The following MYSM1 variants were observed in gnomAD, a reference collection of about 807,000 sequenced individuals.
MYSM1 encodes deubiquitinase MYSM1.
In MYSM1, 51 loss-of-function variants were observed where a neutral mutation model predicts 116.0. The observed-to-expected ratio is 0.44, with a 90% CI of 0.35 to 0.56. The LOEUF (loss-of-function observed/expected upper bound fraction) is 0.56. MYSM1 is among the 20% of genes least tolerant of loss of function. The pLI is 0.00. For missense variants in MYSM1, 900 were observed against 974.9 expected, an observed-to-expected ratio of 0.92 and a Z score of 1.02; for synonymous variants, 313 against 315.2, an observed-to-expected ratio of 0.99 and a Z score of 0.07.
intron 8 of MYSM1, among the ~76,000 whole-genome samples, chr1:58,678,445 T>G (rs1644688168): frequency 6.6e-6 from 1 of 152,198 alleles, no homozygotes; most frequent in Admixed American, 6.5e-5. Context: ...AGCACAGTGC[T>G]GAACAAATGG....
intron 10 of MYSM1, among the ~76,000 whole-genome samples, chr1:58,674,984 T>C (rs913187888): frequency 1.1e-4 from 17 of 151,598 alleles, no homozygotes; most frequent in Admixed American, 9.2e-4. Context: ...TGTTTTTTTT[T>C]CCCCTCGAGA....
intron 1 of MYSM1, among the ~76,000 whole-genome samples, chr1:58,698,104 T>TATATATATATATATATA (rs1557530217): frequency 2.6e-4 from 3 of 11,352 alleles, no homozygotes; most frequent in African/African-American, 8.7e-4. Context: ...ATATATATAT[T>TATATATATATATATATA]TTTTTTTTTT....
At chr1:58,674,430 G>T (rs1425198085) in intron 10 of MYSM1, among the ~76,000 whole-genome samples, 2 of 152,116 alleles carry the variant, frequency 1.3e-5, no homozygotes, top group African/African-American at 4.8e-5. Context: ...CCAAAGGATA[G>T]TGTATGACTA....
chr1:58,678,454 G>GCACT (rs1156309892), intron 8 of MYSM1, among the ~76,000 whole-genome samples: 1 of 152,090 alleles, frequency 6.6e-6, no homozygotes, highest in African/African-American at 2.4e-5. Context: ...CTGAACAAAT[G>GCACT]GTAAGGACTC....
chr1:58,686,066 C>T (rs1316471348), intron 6 of MYSM1, among the ~76,000 whole-genome samples: 1 of 152,168 alleles, frequency 6.6e-6, no homozygotes, highest in Non-Finnish European at 1.5e-5. Flanking sequence ...GCTGGGACTA[C>T]AGGTACGCAC....
intron 12 of MYSM1, 45 bp downstream of exon 12, chr1:58,671,825 C>T (rs1418122478): frequency 7.3e-7 from 1 of 1,367,438 alleles, no homozygotes; most frequent in South Asian, 1.2e-5. Context: ...ATTATCTAGC[C>T]ATTTGTGATA....
In MYSM1 at chr1:58,686,850, G is replaced by A. The variant is rs192504360; in HGVS notation, c.400-1599C>T. On this transcript the variant is annotated intron_variant, in intron 6 of 19. Transcript: ENST00000472487. ...AAAGAACACGAACAAGAGGAGCAAA[G>A]AAGCCAGGCACAGTGGCACATGTAT... 2.6e-5 allele frequency among the ~76,000 whole-genome samples: 4 copies of A among 151,842 alleles called. No individual in the cohort carries two copies. In the East Asian group the frequency reaches 7.7e-4, roughly 29 times the overall value.
intron 3 of MYSM1, among the ~76,000 whole-genome samples, chr1:58,691,367 G>C (rs1348710198): frequency 6.6e-6 from 1 of 152,144 alleles, no homozygotes. Context: ...GTATTTATTG[G>C]CTATCTACTG....
chr1:58,679,885 G>A (rs777667071), intron 8 of MYSM1, among the ~76,000 whole-genome samples: 6 of 152,006 alleles, frequency 3.9e-5, no homozygotes, highest in Non-Finnish European at 7.4e-5. Flanking sequence ...AAAATTAGCC[G>A]GGCGTGGTGG....
intron 6 of MYSM1, among the ~76,000 whole-genome samples, chr1:58,687,262 TATAA>T (rs1210613698): frequency 2.6e-5 from 4 of 152,308 alleles, no homozygotes; most frequent in Admixed American, 6.5e-5. Flanking sequence ...CATATCTCTA[TATAA>T]ATAAATACAT....
At chr1:58,665,697 A>G (rs1220560638) in intron 16 of MYSM1, 66 bp from the exon 17 acceptor site, 2 of 1,127,340 alleles carry the variant, frequency 1.8e-6, no homozygotes, top group African/African-American at 3.1e-5. Context: ...ATTTATCCAT[A>G]CTAACATTTT....
chr1:58,675,360 G>A (rs1314864188), intron 10 of MYSM1, 117 bp downstream of exon 10: 3 of 700,682 alleles, frequency 4.3e-6, no homozygotes, highest in Non-Finnish European at 7.2e-6. Context: ...AACACAAGAG[G>A]AAACATGTTT....
intron 12 of MYSM1, among the ~76,000 whole-genome samples, chr1:58,669,286 G>A (rs1432907905): frequency 6.6e-6 from 1 of 151,326 alleles, no homozygotes; most frequent in Non-Finnish European, 1.5e-5. Flanking sequence ...AACACTCAAA[G>A]AGGACACTAT....
chr1:58,661,871 G>A (rs1644397409), intron 17 of MYSM1, among the ~76,000 whole-genome samples: 1 of 151,910 alleles, frequency 6.6e-6, no homozygotes, highest in Admixed American at 6.6e-5. Context: ...TTTAAAGTGG[G>A]ATTATCCTAG....
chr1:58,665,074 T>C (rs931946925), intron 17 of MYSM1, among the ~76,000 whole-genome samples: 2 of 152,224 alleles, frequency 1.3e-5, no homozygotes, highest in Non-Finnish European at 2.9e-5. Flanking sequence ...CAAATTGAGT[T>C]AGTCATTGTT....
chr1:58,667,080 AG>A lies in MYSM1; in HGVS notation c.1988del (p.Pro663LeufsTer28). On this transcript the variant is annotated frameshift_variant, in exon 16 of 20. Coordinates refer to ENST00000472487, the MANE Select transcript of MYSM1 (RefSeq NM_001085487.3). LOFTEE classifies it high-confidence loss of function. Reference protein sequence around the residue: ...GWYHSHPAFDPNPSLRDIDTQ... With the variant: ...GWYHSHPAFDXNPSLRDIDTQ... The stretch of plus-strand genomic sequence containing the variant: ...TGTCAATATCTCGTAAGGAAGGATT[AG>A]GATCAAAAGCAGGATGAGAATGATA... 1.2e-6 allele frequency: 2 copies of A among 1,612,920 alleles called. No homozygotes were observed. Among genetic ancestry groups the A allele is most frequent in the Non-Finnish European group, 1.7e-6 (2 of 1,179,288 alleles).
chr1:58,667,531 C>G (rs377350458), intron 15 of MYSM1, among the ~76,000 whole-genome samples: 1 of 152,100 alleles, frequency 6.6e-6, no homozygotes, highest in Non-Finnish European at 1.5e-5. Context: ...ATAATTTCAA[C>G]AGAATGATGC....
At chr1:58,687,198 T>C (rs1422436637) in intron 6 of MYSM1, among the ~76,000 whole-genome samples, 3 of 152,160 alleles carry the variant, frequency 2.0e-5, no homozygotes, top group African/African-American at 7.2e-5. Context: ...GCTTGTTGTG[T>C]AGGAAAACAT....
intron 3 of MYSM1, among the ~76,000 whole-genome samples, chr1:58,692,095 T>C (rs1363747276): frequency 6.6e-6 from 1 of 152,210 alleles, no homozygotes; most frequent in Admixed American, 6.5e-5. Context: ...AGGCTATAAC[T>C]GCAATGTCTG....
Sources: gnomAD v4.1 joint callset for allele counts (sites outside exome capture counted in the v4.1 genomes callset) on GRCh38, gnomAD v4.1.1 for gene constraint, MANE v1.5 for transcripts, NCBI Gene and HGNC (gene_info 2026-07-23, HGNC 2026-07-21) for gene names.